KIRREL3: variants seen among roughly 807,000 people sequenced by gnomAD.
The protein encoded by KIRREL3 is kirre like nephrin family adhesion molecule 3, also known as kin of IRRE-like protein 3.
In KIRREL3, 36 loss-of-function variants were observed where a neutral mutation model predicts 89.7. The observed-to-expected ratio is 0.40, with a 90% CI of 0.31 to 0.53. KIRREL3 has a LOEUF of 0.53. Ranked by LOEUF, KIRREL3 falls within the 20% of genes least tolerant of loss-of-function variation. The pLI, the probability that KIRREL3 is intolerant of heterozygous loss-of-function variation, is 0.49. For missense variants in KIRREL3, 864 were observed against 1,056.6 expected (o/e 0.82, Z 2.53); for synonymous variants, 445 against 441.4 (o/e 1.01, Z -0.10).
intron 2 of KIRREL3, among the ~76,000 whole-genome samples, chr11:126,560,978 G>A (rs1180129332): frequency 6.6e-6 from 1 of 152,200 alleles, no homozygotes; most frequent in Non-Finnish European, 1.5e-5. Context: ...ATTATTTTGA[G>A]TATTGGTATG....
rs1007009821 is a variant in KIRREL3 at position 126,491,190 on chromosome 11, G to A, written c.434-17724C>T. On this transcript the variant is annotated intron_variant, in intron 4 of 16. Transcript: ENST00000525144. This position sits in a 1 kb window ranked among gnomAD's most constrained non-coding sequence, Gnocchi z 5.5. Reference sequence around the variant, plus strand: ...GAGTTGCACCTCCCCGGGCGTCAGCGTCTGCATCTGAAAGTGGGCATGGCG... The same window carrying A: ...GAGTTGCACCTCCCCGGGCGTCAGCATCTGCATCTGAAAGTGGGCATGGCG... Among the ~76,000 whole-genome samples the A allele has an allele frequency of 5.3e-5, 8 of 152,186 alleles. No homozygotes were observed. The highest frequency in any genetic ancestry group is 1.9e-4 in the East Asian group (1 of 5,192).
At position 126,570,940 on chromosome 11, in the gene KIRREL3, G is replaced by A. The variant is rs532543896; in HGVS notation, c.56-8028C>T. On this transcript the variant is annotated intron_variant, in intron 1 of 16. Coordinates refer to ENST00000525144, the MANE Select transcript of KIRREL3 (RefSeq NM_032531.4). This position sits in a 1 kb window ranked among gnomAD's most constrained non-coding sequence, Gnocchi z 6.1. ...AGGGACATTTAACTTTTCTCATCTC[G>A]TTTCACCCTCACAACACCTTTATGA... Among the ~76,000 whole-genome samples the A allele has an allele frequency of 1.3e-3, 204 of 152,240 alleles. No individual in the cohort carries two copies. Among genetic ancestry groups the A allele is most frequent in the Admixed American group, 4.4e-3 (67 of 15,280 alleles).
At chr11:126,941,612 A>G (rs1948449387) in intron 1 of KIRREL3, among the ~76,000 whole-genome samples, 1 of 152,152 alleles carries the variant, frequency 6.6e-6, no homozygotes, top group Non-Finnish European at 1.5e-5. Context: ...TTCTCTGGTC[A>G]TTTTTCTACT....
Position 126,436,999 on chromosome 11 carries a change from C to G in KIRREL3, c.1364G>C (p.Trp455Ser). 6.5e-7 allele frequency: 1 copy of G among 1,549,354 alleles called. No individual in the cohort carries two copies. The stretch of plus-strand genomic sequence containing the variant: ...GCCCGACTCCAGAACGTTCTCCTTC[C>G]AGGACCAGGCCTGCCCGGGGGCGCA... ...TPPPDRIAWSWKENVLESGTS... is the reference protein window; with the variant it reads ...TPPPDRIAWSSKENVLESGTS... The change falls in exon 12 of 17, where the codon TGG (tryptophan) becomes TCG (serine). Residue 455 changes from tryptophan (W) to serine (S), a missense_variant. Transcript: ENST00000525144.
chr11:126,424,522 C>A lies in KIRREL3; in HGVS notation c.*58G>T, dbSNP rs1954851603. The stretch of plus-strand genomic sequence containing the variant: ...CTGCAAAGTACCCCTCGTCCCTGGA[C>A]AACCAGAACGTGCCCTGACCTCTTC... On this transcript the variant is annotated 3_prime_UTR_variant, in exon 17 of 17. Coordinates refer to ENST00000525144, the MANE Select transcript of KIRREL3 (RefSeq NM_032531.4). 3 of 1,549,836 alleles carry A rather than the reference C, an allele frequency of 1.9e-6. No individual in the cohort carries two copies. Among genetic ancestry groups the A allele is most frequent in the Admixed American group, 1.8e-5 (1 of 56,736 alleles).
At chr11:126,449,183 T>G in intron 7 of KIRREL3, 26 bp from the exon 8 acceptor site, 1 of 1,611,276 alleles carries the variant, frequency 6.2e-7, no homozygotes, top group Non-Finnish European at 8.5e-7. Flanking sequence ...GGGGCTGATG[T>G]GGGCCTTGAG....
Position 126,623,905 on chromosome 11 carries a change from C to T in KIRREL3, c.56-60993G>A, listed in dbSNP as rs897109964. Among the ~76,000 whole-genome samples the T allele has an allele frequency of 2.6e-5, 4 of 152,142 alleles. No individual in the cohort carries two copies. The highest frequency in any genetic ancestry group is 4.8e-5 in the African/African-American group (2 of 41,434). ...CAGTCCAGAAGGGGCTGGCAGGTAC[C>T]TCTTTTTATTCATTGAGAAAGTAAC... On this transcript the variant is annotated intron_variant, in intron 1 of 16. Transcript: ENST00000525144. The surrounding 1 kb of genome is among the most constrained non-coding windows in gnomAD (Gnocchi z 4.1).
intron 5 of KIRREL3, among the ~76,000 whole-genome samples, chr11:126,464,447 C>T (rs1956652972): frequency 6.6e-6 from 1 of 151,866 alleles, no homozygotes; most frequent in Admixed American, 6.6e-5. Flanking sequence ...GAGAGGATCA[C>T]TTGATCCCGG....
At chr11:126,440,613 G>A in intron 10 of KIRREL3, 64 bp from the exon 11 acceptor site, 1 of 1,405,660 alleles carries the variant, frequency 7.1e-7, no homozygotes, top group Non-Finnish European at 9.9e-7. Flanking sequence ...CGCCCTCTTG[G>A]GTGGGTTCAG....
At chr11:126,593,217 C>G (rs1217557062) in intron 1 of KIRREL3, among the ~76,000 whole-genome samples, 1 of 152,226 alleles carries the variant, frequency 6.6e-6, no homozygotes, top group Non-Finnish European at 1.5e-5. Context: ...GCAGTTCTCC[C>G]ACAGCTCATC....
chr11:126,638,302 T>A (rs546222912), intron 1 of KIRREL3, among the ~76,000 whole-genome samples: 2 of 152,358 alleles, frequency 1.3e-5, no homozygotes, highest in Admixed American at 1.3e-4. Flanking sequence ...AATCTAAATC[T>A]CCACAATGTT....
chr11:126,440,811 AG>A (rs1392813161), intron 10 of KIRREL3: 2 of 558,942 alleles, frequency 3.6e-6, no homozygotes, highest in African/African-American at 3.8e-5. Context: ...AAAGGTGGTG[AG>A]TGTTAGTACC....
At chr11:126,665,205 C>T (rs909753758) in intron 1 of KIRREL3, among the ~76,000 whole-genome samples, 1 of 152,220 alleles carries the variant, frequency 6.6e-6, no homozygotes, top group Non-Finnish European at 1.5e-5. Flanking sequence ...AAAACCCAAA[C>T]ACAGCTAATA....
rs925781820 is a variant in KIRREL3, at chr11:126,454,060, G to T, written c.848+2289C>A. 6.6e-6 allele frequency among the ~76,000 whole-genome samples: 1 copy of T among 151,402 alleles called. No individual in the cohort carries two copies. Among genetic ancestry groups the T allele is most frequent in the Non-Finnish European group, 1.5e-5 (1 of 67,878 alleles). ...CAAACTTCGGAATTACAGAAAAGTT[G>T]TAAGAATAGTCCCATTAACTGCCAC... On this transcript the variant is annotated intron_variant, in intron 7 of 16. Coordinates refer to ENST00000525144, the MANE Select transcript of KIRREL3 (RefSeq NM_032531.4). This position sits in a 1 kb window ranked among gnomAD's most constrained non-coding sequence, Gnocchi z 5.8.
intron 1 of KIRREL3, among the ~76,000 whole-genome samples, chr11:126,790,262 C>T (rs748634375): frequency 2.6e-5 from 4 of 152,198 alleles, no homozygotes; most frequent in Admixed American, 2.0e-4. Flanking sequence ...ACTGATTAGA[C>T]GGACTCGGTC....
intron 1 of KIRREL3, among the ~76,000 whole-genome samples, chr11:126,895,378 G>T (rs934046105): frequency 2.7e-5 from 4 of 150,026 alleles, no homozygotes; most frequent in Non-Finnish European, 5.9e-5. Flanking sequence ...CAGGAGAATT[G>T]CTTGAACCCG....
In KIRREL3 at chr11:126,719,019, C is replaced by CT. The variant is rs895670669; in HGVS notation, c.56-156108dup. Among the ~76,000 whole-genome samples the CT allele has an allele frequency of 1.3e-5, 2 of 152,134 alleles. No individual in the cohort carries two copies. Among genetic ancestry groups the CT allele is most frequent in the African/African-American group, 4.8e-5 (2 of 41,418 alleles). On this transcript the variant is annotated intron_variant, in intron 1 of 16. Coordinates refer to ENST00000525144, the MANE Select transcript of KIRREL3 (RefSeq NM_032531.4). The surrounding 1 kb of genome is among the most constrained non-coding windows in gnomAD (Gnocchi z 4.7). ...TACAAATATGCTGTAATATCTCTAA[C>CT]TTTTTTAAAATGGAGAAGCCTTTCT... is the stretch of plus-strand genomic sequence containing the variant.
rs897328284 is a variant in KIRREL3, at chr11:126,587,913, C to G, written c.56-25001G>C. On this transcript the variant is annotated intron_variant, in intron 1 of 16. Transcript: ENST00000525144. The surrounding 1 kb of genome is among the most constrained non-coding windows in gnomAD (Gnocchi z 5.2). ...TGAATGACTCTAAGGAGAGCTGGGC[C>G]CTGGTACAGGGAGGGGCAGAGGTCT... is the stretch of plus-strand genomic sequence containing the variant. Among the ~76,000 whole-genome samples, 25 of 152,054 alleles carry G rather than the reference C, an allele frequency of 1.6e-4. No homozygotes were observed. Among genetic ancestry groups the G allele is most frequent in the African/African-American group, 6.0e-4 (25 of 41,430 alleles).
rs149856255 is a variant in KIRREL3 at position 126,467,546 on chromosome 11, G to C, written c.592-4239C>G. ...TGCCCGATGACAGGCAAACCGTCTG[G>C]AAAGGCCGAGAGTAGCCTGATTGCC... On this transcript the variant is annotated intron_variant, in intron 5 of 16. Coordinates refer to ENST00000525144, the MANE Select transcript of KIRREL3 (RefSeq NM_032531.4). Among the ~76,000 whole-genome samples the C allele has an allele frequency of 2.2e-3, 335 of 152,270 alleles. 2 individuals carry two copies. Among genetic ancestry groups the C allele is most frequent in the African/African-American group, 7.8e-3 (324 of 41,534 alleles).
Sources: gnomAD v4.1 joint callset for allele counts (sites outside exome capture counted in the v4.1 genomes callset) on GRCh38, gnomAD v4.1.1 for gene constraint, Gnocchi (gnomAD v3.1) non-coding constraint, MANE v1.5 for transcripts, NCBI Gene and HGNC (gene_info 2026-07-23, HGNC 2026-07-21) for gene names.